TMTC2: variants seen among roughly 807,000 people sequenced by gnomAD.
TMTC2 encodes the protein transmembrane O-mannosyltransferase targeting cadherins 2, also known as protein O-mannosyl-transferase TMTC2.
Under a neutral mutation model 82.4 loss-of-function variants are expected in TMTC2, and 43 were observed. The ratio of observed to expected loss-of-function variants is 0.52; its 90% CI spans 0.41 to 0.67. The LOEUF is 0.67. Among genes scored for constraint, TMTC2 ranks in the 30% least tolerant of loss-of-function variants. The pLI is 0.00. For synonymous variants in TMTC2, 408 were observed against 381.9 expected, an observed-to-expected ratio of 1.07 and a Z score of -0.80; for missense variants, 919 against 1,012.4, an observed-to-expected ratio of 0.91 and a Z score of 1.25.
chr12:82,925,368 A>G (rs2137234748), intron 3 of TMTC2, among the ~76,000 whole-genome samples: 1 of 152,334 alleles, frequency 6.6e-6, no homozygotes, highest in South Asian at 2.1e-4. Flanking sequence ...TGCTTAACAA[A>G]TATCTAATAA....
At chr12:83,002,678 A>T (rs370179388) in intron 8 of TMTC2, among the ~76,000 whole-genome samples, 27 of 152,048 alleles carry the variant, frequency 1.8e-4, no homozygotes, top group African/African-American at 6.5e-4. Flanking sequence ...TTCAGAAACA[A>T]GTTCTTTAAT....
intron 1 of TMTC2, among the ~76,000 whole-genome samples, chr12:82,689,250 C>T (rs1872473924): frequency 6.6e-6 from 1 of 151,110 alleles, no homozygotes; most frequent in African/African-American, 2.4e-5. Flanking sequence ...GTTACTGGCT[C>T]TGTTGGGGGC....
chr12:82,760,653 G>C (rs1876570828), intron 1 of TMTC2, among the ~76,000 whole-genome samples: 2 of 151,972 alleles, frequency 1.3e-5, no homozygotes. Flanking sequence ...AGCAGGAGGT[G>C]AATGGCAGGT....
intron 7 of TMTC2, among the ~76,000 whole-genome samples, chr12:82,977,182 C>A (rs1317526680): frequency 6.6e-6 from 1 of 151,888 alleles, no homozygotes; most frequent in Non-Finnish European, 1.5e-5. Context: ...TGTAAAAATT[C>A]TCTTTTTCTC....
intron 1 of TMTC2, among the ~76,000 whole-genome samples, chr12:82,852,101 CTTT>C (rs11301265): frequency 6.6e-5 from 9 of 137,116 alleles, no homozygotes; most frequent in African/African-American, 1.1e-4. Flanking sequence ...CAGAAACTAT[CTTT>C]TTTTTTTTTT....
intron 3 of TMTC2, 111 bp downstream of exon 3, chr12:82,896,757 A>G: frequency 1.3e-6 from 1 of 776,162 alleles, no homozygotes; most frequent in Non-Finnish European, 2.0e-6. Flanking sequence ...CCTTTTATGC[A>G]GTACCTGTAT....
rs774460454 is a variant in TMTC2 at position 82,896,263 on chromosome 12, C to T, written c.1100C>T (p.Ser367Phe). Residue 367 changes from serine to phenylalanine, a missense_variant, in exon 3 of 12, where the codon TCC becomes TTC. Coordinates refer to ENST00000321196, the MANE Select transcript of TMTC2 (RefSeq NM_152588.3). Reference sequence around the variant, plus strand: ...GAGTACCAGAACTCAGAGACTAAGTCCAGCTTTGCATCCAAAGTAGAAAAT... The same window carrying T: ...GAGTACCAGAACTCAGAGACTAAGTTCAGCTTTGCATCCAAAGTAGAAAAT... Reference protein sequence around the residue: ...DVEYQNSETKSSFASKVENGI... With the variant: ...DVEYQNSETKFSFASKVENGI... 6.2e-7 allele frequency: 1 copy of T among 1,614,054 alleles called. No homozygotes were observed. The highest frequency in any genetic ancestry group is 8.5e-7 in the Non-Finnish European group (1 of 1,180,022).
chr12:83,068,144 C>T (rs1238505970), intron 11 of TMTC2, among the ~76,000 whole-genome samples: 2 of 152,044 alleles, frequency 1.3e-5, no homozygotes, highest in East Asian at 1.9e-4. Context: ...TCCACATATT[C>T]TGTAATGTAT....
intron 2 of TMTC2, among the ~76,000 whole-genome samples, 189 bp from the exon 3 acceptor site, chr12:82,895,629 C>T (rs1344442445): frequency 6.6e-6 from 1 of 152,036 alleles, no homozygotes; most frequent in African/African-American, 2.4e-5. Context: ...ATTTCAGATT[C>T]AGGTTTTTTT....
At chr12:83,081,198 T>C (rs1319116334) in intron 11 of TMTC2, among the ~76,000 whole-genome samples, 1 of 152,230 alleles carries the variant, frequency 6.6e-6, no homozygotes, top group East Asian at 1.9e-4. Flanking sequence ...TCATGTTGTA[T>C]CTTCAAAGAC....
intron 1 of TMTC2, among the ~76,000 whole-genome samples, chr12:82,731,607 A>G (rs1184743595): frequency 6.6e-6 from 1 of 152,236 alleles, no homozygotes; most frequent in Non-Finnish European, 1.5e-5. Context: ...TTATCAATTT[A>G]TTGAAAGTTT....
chr12:82,897,390 T>C (rs1873739282), intron 3 of TMTC2, among the ~76,000 whole-genome samples: 1 of 152,150 alleles, frequency 6.6e-6, no homozygotes, highest in Non-Finnish European at 1.5e-5. Context: ...AGTCAAAAGC[T>C]ATGACAATGG....
At chr12:82,994,944 C>T (rs1165337378) in intron 8 of TMTC2, among the ~76,000 whole-genome samples, 1 of 151,940 alleles carries the variant, frequency 6.6e-6, no homozygotes, top group Admixed American at 6.6e-5. Flanking sequence ...CCCCGCCCCC[C>T]ATTTTATAGC....
chr12:82,853,521 T>C (rs1871096205), intron 1 of TMTC2, among the ~76,000 whole-genome samples: 1 of 152,252 alleles, frequency 6.6e-6, no homozygotes, highest in African/African-American at 2.4e-5. Flanking sequence ...TGTAGGCTGC[T>C]AGATTTATTG....
chr12:82,769,300 CCT>C (rs1262832045), intron 1 of TMTC2, among the ~76,000 whole-genome samples: 5 of 151,640 alleles, frequency 3.3e-5, no homozygotes, highest in African/African-American at 1.2e-4. Context: ...TAGTGAAACC[CCT>C]GTCTCTACTA....
chr12:82,843,711 T>G (rs1354539890), intron 1 of TMTC2, among the ~76,000 whole-genome samples: 1 of 151,490 alleles, frequency 6.6e-6, no homozygotes, highest in African/African-American at 2.4e-5. Context: ...ACTTTGGGAG[T>G]CCGGGGCGGG....
At chr12:82,881,719 G>A (rs541541011) in intron 2 of TMTC2, among the ~76,000 whole-genome samples, 1 of 152,266 alleles carries the variant, frequency 6.6e-6, no homozygotes, top group African/African-American at 2.4e-5. Context: ...TAATTTGAAA[G>A]TCACACTTTT....
chr12:82,726,467 C>T (rs916633401), intron 1 of TMTC2, among the ~76,000 whole-genome samples: 1 of 151,994 alleles, frequency 6.6e-6, no homozygotes, highest in African/African-American at 2.4e-5. Flanking sequence ...CATATACTTT[C>T]TCCACCAGAG....
intron 7 of TMTC2, among the ~76,000 whole-genome samples, chr12:82,969,497 G>A (rs1245653324): frequency 6.6e-6 from 1 of 152,116 alleles, no homozygotes; most frequent in African/African-American, 2.4e-5. Context: ...GATTATTAGT[G>A]TAGTACTAAA....
Sources: allele counts gnomAD v4.1 joint callset (sites outside exome capture counted in the v4.1 genomes callset), GRCh38; gene constraint gnomAD v4.1.1; transcripts MANE v1.5; gene names NCBI Gene and HGNC (gene_info 2026-07-23, HGNC 2026-07-21).